Variants in SEMA6D observed in about 807,000 individuals in gnomAD.
SEMA6D encodes the protein semaphorin 6D.
Under a neutral mutation model 106.6 loss-of-function variants are expected in SEMA6D, and 35 were observed. The observed-to-expected ratio is 0.33, with a 90% confidence interval of 0.25 to 0.44. SEMA6D has a LOEUF of 0.44. Among genes scored for constraint, SEMA6D ranks in the 20% least tolerant of loss-of-function variants. The probability of loss-of-function intolerance (pLI) is 1.00; values close to 1 mark genes in which losing one functional copy is unlikely to be tolerated. For missense variants in SEMA6D, 1,185 were observed against 1,345.9 expected (o/e 0.88, Z 1.87); for synonymous variants, 499 against 487.7 (o/e 1.02, Z -0.31).
At chr15:47,754,536 G>A (rs1413157282) in intron 1 of SEMA6D, among the ~76,000 whole-genome samples, 1 of 152,042 alleles carries the variant, frequency 6.6e-6, no homozygotes, top group African/African-American at 2.4e-5. Context: ...TTGCTTTTTG[G>A]AAGGTAATGT....
At chr15:47,264,645 T>C (rs1235941754) in intron 1 of SEMA6D, among the ~76,000 whole-genome samples, 1 of 152,074 alleles carries the variant, frequency 6.6e-6, no homozygotes, top group African/African-American at 2.4e-5. Flanking sequence ...CACTATTAAA[T>C]AGAAATAGCA....
At chr15:47,207,409 G>T (rs980835482) in intron 1 of SEMA6D, among the ~76,000 whole-genome samples, 1 of 152,130 alleles carries the variant, frequency 6.6e-6, no homozygotes, top group Non-Finnish European at 1.5e-5. Flanking sequence ...GTAGGCAATT[G>T]TCAGTCAGAA....
chr15:47,688,239 G>A, intron 4 of SEMA6D, among the ~76,000 whole-genome samples: 1 of 152,142 alleles, frequency 6.6e-6, no homozygotes, highest in Non-Finnish European at 1.5e-5. Context: ...GATAGGGATA[G>A]TTGTATTCTC....
At chr15:47,461,553 C>T (rs1279760606) in intron 2 of SEMA6D, among the ~76,000 whole-genome samples, 1 of 151,922 alleles carries the variant, frequency 6.6e-6, no homozygotes, top group African/African-American at 2.4e-5. Context: ...TAGCATAGAA[C>T]AGTATTTCCG....
At chr15:47,634,283 C>T (rs2077342157) in intron 4 of SEMA6D, among the ~76,000 whole-genome samples, 1 of 152,152 alleles carries the variant, frequency 6.6e-6, no homozygotes, top group Non-Finnish European at 1.5e-5. Flanking sequence ...CTTGGTGCTG[C>T]TGACCCTTCC....
At chr15:47,225,045 A>G (rs2031537182) in intron 1 of SEMA6D, among the ~76,000 whole-genome samples, 2 of 151,954 alleles carry the variant, frequency 1.3e-5, no homozygotes, top group African/African-American at 4.8e-5. Flanking sequence ...AATCTTGAGC[A>G]GAGTAGAACA....
At chr15:47,579,140 ATTTTTTTT>A (rs34862760) in intron 3 of SEMA6D, among the ~76,000 whole-genome samples, 1 of 129,382 alleles carries the variant, frequency 7.7e-6, no homozygotes, top group African/African-American at 2.8e-5. Context: ...AGAAATCTGT[ATTTTTTTT>A]TTTTTTTTTT....
chr15:47,422,746 G>T lies in SEMA6D; in HGVS notation c.-159+10274G>T, dbSNP rs144614938. On this transcript the variant is annotated intron_variant, in intron 2 of 19. Coordinates refer to the SEMA6D transcript ENST00000558014. ...TCATACCTGTAAAAGATTTATCACT[G>T]CAAGAGGCATTTTGGAACCTTTCAG... is the stretch of plus-strand genomic sequence containing the variant. Among the ~76,000 whole-genome samples the T allele has an allele frequency of 6.8e-3, 1,041 of 152,134 alleles. 11 individuals carry two copies. Among genetic ancestry groups the T allele is most frequent in the African/African-American group, 0.024 (997 of 41,552 alleles).
chr15:47,565,642 G>A (rs2046209416), intron 3 of SEMA6D, among the ~76,000 whole-genome samples: 1 of 152,196 alleles, frequency 6.6e-6, no homozygotes, highest in Admixed American at 6.5e-5. Context: ...AAGGGATTGG[G>A]AGCCAATTTT....
intron 1 of SEMA6D, among the ~76,000 whole-genome samples, chr15:47,209,797 C>T (rs1213361181): frequency 6.6e-6 from 1 of 152,074 alleles, no homozygotes; most frequent in East Asian, 1.9e-4. Context: ...CAAATGTTGC[C>T]AATCCTAACT....
chr15:47,335,266 T>A (rs998468759), intron 1 of SEMA6D, among the ~76,000 whole-genome samples: 4 of 152,096 alleles, frequency 2.6e-5, no homozygotes, highest in African/African-American at 7.2e-5. Flanking sequence ...AGCAATGTCT[T>A]TGGTTTTAAA....
intron 2 of SEMA6D, among the ~76,000 whole-genome samples, chr15:47,470,065 A>G (rs1231348218): frequency 6.6e-6 from 1 of 152,222 alleles, no homozygotes; most frequent in Admixed American, 6.5e-5. Flanking sequence ...TTGTCTACCA[A>G]TACCCAAATT....
At chr15:47,329,733 A>G (rs369327196) in intron 1 of SEMA6D, among the ~76,000 whole-genome samples, 6 of 152,212 alleles carry the variant, frequency 3.9e-5, no homozygotes, top group African/African-American at 1.4e-4. Flanking sequence ...GTTGTTTCTT[A>G]GCCTCTACCA....
chr15:47,692,937 CA>C (rs34970474), intron 4 of SEMA6D, among the ~76,000 whole-genome samples: 55,098 of 151,922 alleles, frequency 0.36, 11,214 homozygotes, highest in Middle Eastern at 0.49. Context: ...GGAAATCTTA[CA>C]AAAAGGAGTA....
intron 4 of SEMA6D, among the ~76,000 whole-genome samples, chr15:47,668,532 G>A (rs1295703546): frequency 2.0e-5 from 3 of 152,096 alleles, no homozygotes; most frequent in Admixed American, 2.0e-4. Context: ...GTCCACCCTA[G>A]CTTCCATTCC....
intron 3 of SEMA6D, among the ~76,000 whole-genome samples, chr15:47,537,448 T>A (rs1300646054): frequency 6.6e-6 from 1 of 152,146 alleles, no homozygotes; most frequent in Non-Finnish European, 1.5e-5. Flanking sequence ...AGGTGGCACT[T>A]AGGTTGAAGC....
At chr15:47,297,200 A>G (rs2198631) in intron 1 of SEMA6D, among the ~76,000 whole-genome samples, 57,183 of 152,044 alleles carry the variant, frequency 0.38, 11,045 homozygotes, top group Middle Eastern at 0.51. Context: ...ATTTTAAAAT[A>G]TATATTTGTC....
chr15:47,557,943 A>G (rs2045962520), intron 3 of SEMA6D, among the ~76,000 whole-genome samples: 1 of 152,096 alleles, frequency 6.6e-6, no homozygotes, highest in African/African-American at 2.4e-5. Flanking sequence ...GAAACCTACA[A>G]TTCTGATGAA....
intron 1 of SEMA6D, among the ~76,000 whole-genome samples, chr15:47,406,008 C>A (rs1027100342): frequency 6.6e-6 from 1 of 152,216 alleles, no homozygotes; most frequent in East Asian, 1.9e-4. Context: ...GCAAGGAGAC[C>A]TGAGAACTGC....
Sources: gnomAD v4.1 joint callset for allele counts (sites outside exome capture counted in the v4.1 genomes callset) on GRCh38, gnomAD v4.1.1 for gene constraint, MANE v1.5 for transcripts, NCBI Gene and HGNC (gene_info 2026-07-23, HGNC 2026-07-21) for gene names.